Variants in COA1 observed in about 807,000 individuals in gnomAD.
COA1 encodes the protein cytochrome c oxidase assembly factor 1, also known as cytochrome c oxidase assembly factor 1 homolog.
Under a neutral mutation model 16.0 loss-of-function variants are expected in COA1, and 13 were observed. That is an observed-to-expected ratio of 0.81 (90% CI 0.53 to 1.29). The LOEUF (loss-of-function observed/expected upper bound fraction) is 1.29. Among genes scored for constraint, COA1 ranks in the 50% most tolerant of loss-of-function variants. The pLI, the probability that COA1 is intolerant of heterozygous loss-of-function variation, is 0.00. For missense variants in COA1, 179 were observed against 177.0 expected (o/e 1.01, Z -0.06); for synonymous variants, 65 against 65.7 (o/e 0.99, Z 0.05).
At chr7:43,617,102 G>C (rs1249416523) in intron 6 of COA1, among the ~76,000 whole-genome samples, 1 of 152,238 alleles carries the variant, frequency 6.6e-6, no homozygotes, top group African/African-American at 2.4e-5. Context: ...TGGCAAGTAT[G>C]AGACTGGAAA....
intron 1 of COA1, among the ~76,000 whole-genome samples, chr7:43,725,903 C>T (rs2095607886): frequency 6.6e-6 from 1 of 150,758 alleles, no homozygotes; most frequent in Non-Finnish European, 1.5e-5. Context: ...ATTACTACTA[C>T]TGCCTTTTAA....
At chr7:43,709,010 A>G (rs1041042329) in intron 1 of COA1, among the ~76,000 whole-genome samples, 2 of 150,676 alleles carry the variant, frequency 1.3e-5, no homozygotes, top group East Asian at 1.9e-4. Flanking sequence ...ATATTTTCCT[A>G]TATTATCTCC....
At chr7:43,655,780 C>A (rs1283128115) in intron 1 of COA1, among the ~76,000 whole-genome samples, 1 of 152,206 alleles carries the variant, frequency 6.6e-6, no homozygotes, top group Non-Finnish European at 1.5e-5. Flanking sequence ...CTCGCTTCAA[C>A]CAACAGGAGG....
At chr7:43,633,692 T>C (rs1339066526) in intron 6 of COA1, among the ~76,000 whole-genome samples, 1 of 152,152 alleles carries the variant, frequency 6.6e-6, no homozygotes, top group Non-Finnish European at 1.5e-5. Flanking sequence ...AAACCCACAA[T>C]TTGTAAAAAA....
intron 6 of COA1, among the ~76,000 whole-genome samples, chr7:43,611,447 T>C (rs1298509216): frequency 6.6e-6 from 1 of 152,200 alleles, no homozygotes; most frequent in African/African-American, 2.4e-5. Context: ...TGAAAGCAAG[T>C]ATGGACATGT....
chr7:43,655,606 G>C (rs541929227), intron 1 of COA1, among the ~76,000 whole-genome samples: 1 of 152,130 alleles, frequency 6.6e-6, no homozygotes, highest in African/African-American at 2.4e-5. Context: ...AGTTTGCAGT[G>C]AGCTGAGATT....
intron 1 of COA1, among the ~76,000 whole-genome samples, chr7:43,661,325 T>C (rs377744089): frequency 3.3e-5 from 5 of 151,982 alleles, no homozygotes; most frequent in Admixed American, 1.3e-4. Flanking sequence ...AGGTAAAGAG[T>C]GGGATTCTAC....
intron 3 of COA1, chr7:43,645,917 A>C (rs1024664841): frequency 1.3e-5 from 2 of 153,776 alleles, no homozygotes; most frequent in African/African-American, 4.8e-5. Flanking sequence ...CAGGCCTAGA[A>C]ACAGGATATG....
At chr7:43,714,554 G>A (rs1258447205) in intron 1 of COA1, among the ~76,000 whole-genome samples, 5 of 151,882 alleles carry the variant, frequency 3.3e-5, no homozygotes, top group Admixed American at 6.6e-5. Flanking sequence ...GCTTGAACCC[G>A]GGAGGCAGAG....
intron 6 of COA1, among the ~76,000 whole-genome samples, chr7:43,615,860 T>A (rs2083293090): frequency 6.6e-6 from 1 of 152,194 alleles, no homozygotes; most frequent in South Asian, 2.1e-4. Context: ...GGCTCTTTTT[T>A]AACATTGTCC....
chr7:43,641,194 T>C (rs1210231442), intron 4 of COA1: 2 of 152,008 alleles, frequency 1.3e-5, no homozygotes, highest in African/African-American at 4.8e-5. Flanking sequence ...ACGAGGGAAT[T>C]CAGGTGCTGG....
At chr7:43,653,856 T>A (rs990053376) in intron 1 of COA1, among the ~76,000 whole-genome samples, 2 of 152,134 alleles carry the variant, frequency 1.3e-5, no homozygotes, top group Admixed American at 1.3e-4. Context: ...TGATTTTTTT[T>A]AAAGATTAAT....
chr7:43,664,277 G>A (rs560666613), intron 1 of COA1, among the ~76,000 whole-genome samples: 3 of 152,072 alleles, frequency 2.0e-5, no homozygotes, highest in East Asian at 3.9e-4. Flanking sequence ...CACCACACCC[G>A]GCTCCATTAT....
intron 4 of COA1, among the ~76,000 whole-genome samples, chr7:43,643,006 G>A (rs2087599888): frequency 6.6e-6 from 1 of 152,240 alleles, no homozygotes; most frequent in South Asian, 2.1e-4. Flanking sequence ...CGTGCACTGA[G>A]GCTCCAGGTG....
intron 2 of COA1, chr7:43,647,933 G>GC: frequency 2.8e-6 from 1 of 354,192 alleles, no homozygotes; most frequent in South Asian, 5.1e-5. Context: ...GACAGACACA[G>GC]CCCAGACTGT....
intron 1 of COA1, among the ~76,000 whole-genome samples, chr7:43,679,264 C>CAAAAA (rs10618048): frequency 1.2e-5 from 1 of 84,096 alleles, no homozygotes; most frequent in Non-Finnish European, 2.2e-5. Flanking sequence ...AACTCCATTG[C>CAAAAA]AAAAAAAAAA....
intron 1 of COA1, chr7:43,650,555 T>C (rs1006439995): frequency 1.3e-5 from 2 of 152,124 alleles, no homozygotes; most frequent in African/African-American, 4.8e-5. Flanking sequence ...ATCTGCTCAA[T>C]AGACAGGGAA....
At chr7:43,650,949 T>C (rs929630880) in intron 1 of COA1, among the ~76,000 whole-genome samples, 2 of 150,936 alleles carry the variant, frequency 1.3e-5, no homozygotes, top group Non-Finnish European at 3.0e-5. Context: ...GGGGTGTGAG[T>C]GGTGGGCAGG....
chr7:43,661,222 G>GT (rs2092390562), intron 1 of COA1, among the ~76,000 whole-genome samples: 1 of 152,186 alleles, frequency 6.6e-6, no homozygotes, highest in Admixed American at 6.5e-5. Flanking sequence ...CTAGGATTGG[G>GT]TTTTCCATTT....
Sources: gnomAD v4.1 joint callset for allele counts (sites outside exome capture counted in the v4.1 genomes callset) on GRCh38, gnomAD v4.1.1 for gene constraint, MANE v1.5 for transcripts, NCBI Gene and HGNC (gene_info 2026-07-23, HGNC 2026-07-21) for gene names.